PPP2R2B: variants seen among roughly 807,000 people sequenced by gnomAD.
PPP2R2B encodes the protein serine/threonine-protein phosphatase 2A 55 kDa regulatory subunit B beta isoform.
PPP2R2B carries 5 observed loss-of-function variants against 46.0 expected under a neutral mutation model. The ratio of observed to expected loss-of-function variants is 0.11; its 90% CI spans 0.06 to 0.23. The LOEUF (loss-of-function observed/expected upper bound fraction) is 0.23. Ranked by LOEUF, PPP2R2B falls within the 10% of genes least tolerant of loss-of-function variation. The pLI, the probability that PPP2R2B is intolerant of heterozygous loss-of-function variation, is 1.00. For synonymous variants in PPP2R2B, 215 were observed against 206.7 expected, an observed-to-expected ratio of 1.04 and a Z score of -0.34; for missense variants, 367 against 575.0, an observed-to-expected ratio of 0.64 and a Z score of 3.70.
intron 1 of PPP2R2B, among the ~76,000 whole-genome samples, chr5:147,008,581 G>A (rs1754562099): frequency 6.6e-6 from 1 of 152,046 alleles, no homozygotes; most frequent in Non-Finnish European, 1.5e-5. Context: ...TATATAAAAT[G>A]GGCTTCCATG....
intron 2 of PPP2R2B, among the ~76,000 whole-genome samples, chr5:146,789,687 C>A (rs1401336460): frequency 6.6e-6 from 1 of 151,856 alleles, no homozygotes; most frequent in African/African-American, 2.4e-5. Context: ...GTGATGGGGG[C>A]TCTGAAGGGA....
intron 1 of PPP2R2B, among the ~76,000 whole-genome samples, chr5:146,974,393 A>C (rs1752801463): frequency 6.6e-6 from 1 of 152,114 alleles, no homozygotes; most frequent in Non-Finnish European, 1.5e-5. Flanking sequence ...AGTATGAGTA[A>C]CCAGTTGAAG....
At chr5:146,678,168 G>A (rs967451920) in intron 5 of PPP2R2B, among the ~76,000 whole-genome samples, 53 of 152,072 alleles carry the variant, frequency 3.5e-4, no homozygotes, top group African/African-American at 1.2e-3. Context: ...AACGAATCCA[G>A]CAGCACCTCA....
intron 2 of PPP2R2B, among the ~76,000 whole-genome samples, chr5:146,827,164 G>A (rs1758632955): frequency 6.6e-6 from 1 of 152,102 alleles, no homozygotes; most frequent in South Asian, 2.1e-4. Context: ...TGCATGCTTG[G>A]AATAACTACA....
chr5:146,638,543 T>C, intron 6 of PPP2R2B, 128 bp from the exon 7 acceptor site: 1 of 879,200 alleles, frequency 1.1e-6, no homozygotes, highest in Non-Finnish European at 1.6e-6. Context: ...TGGTAGATCC[T>C]CATCATAAAC....
At chr5:146,755,648 T>G (rs1341978441) in intron 2 of PPP2R2B, among the ~76,000 whole-genome samples, 2 of 152,264 alleles carry the variant, frequency 1.3e-5, no homozygotes, top group Non-Finnish European at 2.9e-5. Context: ...CCAAGTTATA[T>G]ATTAATGCAC....
At chr5:146,655,190 C>T (rs1231196418) in intron 5 of PPP2R2B, among the ~76,000 whole-genome samples, 1 of 152,184 alleles carries the variant, frequency 6.6e-6, no homozygotes, top group African/African-American at 2.4e-5. Flanking sequence ...AAAGGACGCA[C>T]ATCCCAGCAC....
At chr5:146,970,723 C>T (rs984925081) in intron 1 of PPP2R2B, among the ~76,000 whole-genome samples, 2 of 152,192 alleles carry the variant, frequency 1.3e-5, no homozygotes, top group Non-Finnish European at 2.9e-5. Context: ...TGGTGAGGAA[C>T]TTGCGGCTCA....
chr5:146,888,874 A>G (rs990820782), intron 1 of PPP2R2B, among the ~76,000 whole-genome samples: 6 of 152,156 alleles, frequency 3.9e-5, no homozygotes, highest in Non-Finnish European at 5.9e-5. Context: ...TCCAGTATCA[A>G]CTTCACTGGG....
chr5:147,044,119 G>A (rs1561596026), intron 1 of PPP2R2B, among the ~76,000 whole-genome samples: 2 of 152,048 alleles, frequency 1.3e-5, no homozygotes, highest in Admixed American at 1.3e-4. Context: ...AAGTCACAGG[G>A]CCCTGCTTGA....
intron 2 of PPP2R2B, among the ~76,000 whole-genome samples, chr5:146,732,944 C>T (rs957504434): frequency 1.3e-5 from 2 of 152,176 alleles, no homozygotes; most frequent in Non-Finnish European, 2.9e-5. Context: ...GCTATTGCTG[C>T]TTCAGCAAAG....
At chr5:146,621,176 T>G (rs1303074329) in intron 7 of PPP2R2B, among the ~76,000 whole-genome samples, 2 of 152,254 alleles carry the variant, frequency 1.3e-5, no homozygotes, top group African/African-American at 4.8e-5. Flanking sequence ...TCTGCCTCTG[T>G]GTTCCCAGTA....
At chr5:146,938,751 CTTTTTTTT>C (rs33961672) in intron 1 of PPP2R2B, among the ~76,000 whole-genome samples, 1 of 65,926 alleles carries the variant, frequency 1.5e-5, no homozygotes, top group Non-Finnish European at 2.7e-5. Flanking sequence ...AGATAATAGC[CTTTTTTTT>C]TTTTTTTTTT....
chr5:146,847,712 T>C (rs1290653418), intron 2 of PPP2R2B, among the ~76,000 whole-genome samples: 1 of 152,230 alleles, frequency 6.6e-6, no homozygotes, highest in African/African-American at 2.4e-5. Context: ...AAGTCCTGTG[T>C]GCCAAGACTT....
chr5:147,067,612 G>A (rs1191846433), intron 2 of PPP2R2B, among the ~76,000 whole-genome samples: 2 of 152,128 alleles, frequency 1.3e-5, no homozygotes, highest in Non-Finnish European at 2.9e-5. Context: ...GTGGTAAAGT[G>A]GAAGAGGAAA....
At chr5:147,026,750 G>T (rs1287211108) in intron 1 of PPP2R2B, among the ~76,000 whole-genome samples, 1 of 152,084 alleles carries the variant, frequency 6.6e-6, no homozygotes, top group Non-Finnish European at 1.5e-5. Flanking sequence ...ACCATGAGAA[G>T]ATACTACTAC....
At chr5:147,059,102 C>T (rs537694838), upstream of PPP2R2B, among the ~76,000 whole-genome samples, 2 of 152,204 alleles carry the variant, frequency 1.3e-5, no homozygotes, top group Admixed American at 1.3e-4. Flanking sequence ...GCCACCCTGA[C>T]GATATATCAG....
At chr5:146,826,766 C>A (rs565822066) in intron 2 of PPP2R2B, among the ~76,000 whole-genome samples, 168 of 152,160 alleles carry the variant, frequency 1.1e-3, no homozygotes, top group Admixed American at 3.1e-3. Context: ...AGTTGATATT[C>A]CCCTCCCTCC....
At chr5:146,843,698 A>C (rs115519560) in intron 2 of PPP2R2B, among the ~76,000 whole-genome samples, 1,758 of 152,298 alleles carry the variant, frequency 0.012, 24 homozygotes, top group Non-Finnish European at 0.018. Context: ...CAGAGTTATC[A>C]TGACCCTGAG....
Sources: gnomAD v4.1 joint callset for allele counts (sites outside exome capture counted in the v4.1 genomes callset) on GRCh38, gnomAD v4.1.1 for gene constraint, MANE v1.5 for transcripts, NCBI Gene and HGNC (gene_info 2026-07-23, HGNC 2026-07-21) for gene names.